Variants in FBXW7 observed in about 807,000 individuals in gnomAD.
FBXW7 encodes the protein F-box and WD repeat domain containing 7.
Under a neutral mutation model 86.3 loss-of-function variants are expected in FBXW7, and 11 were observed. The ratio of observed to expected loss-of-function variants is 0.13; its 90% CI spans 0.08 to 0.21. The LOEUF is 0.21. FBXW7 is among the 10% of genes least tolerant of loss of function. The probability of loss-of-function intolerance (pLI) is 1.00; values close to 1 mark genes in which losing one functional copy is unlikely to be tolerated. For missense variants in FBXW7, 488 were observed against 847.4 expected, an observed-to-expected ratio of 0.58 and a Z score of 5.27; for synonymous variants, 313 against 297.9, an observed-to-expected ratio of 1.05 and a Z score of -0.52.
At chr4:152,348,147 G>GT (rs901222429) in intron 5 of FBXW7, among the ~76,000 whole-genome samples, 4 of 151,834 alleles carry the variant, frequency 2.6e-5, no homozygotes, top group African/African-American at 9.7e-5. Context: ...TCCTCCAGCT[G>GT]TTTTTTTCTA....
chr4:152,409,815 T>TATACATAAATGCA (rs1737766038), intron 4 of FBXW7, among the ~76,000 whole-genome samples: 1 of 152,142 alleles, frequency 6.6e-6, no homozygotes, highest in Non-Finnish European at 1.5e-5. Context: ...CACACATGTA[T>TATACATAAATGCA]TCCTTCTATG....
intron 7 of FBXW7, 73 bp downstream of exon 7, chr4:152,337,729 T>C (rs1730291015): frequency 1.4e-6 from 2 of 1,427,382 alleles, no homozygotes; most frequent in Non-Finnish European, 1.9e-6. Context: ...AGCATGACAA[T>C]GTTTAAAGGT....
intron 6 of FBXW7, among the ~76,000 whole-genome samples, chr4:152,345,748 A>G (rs1206941851): frequency 6.6e-6 from 1 of 152,176 alleles, no homozygotes; most frequent in Non-Finnish European, 1.5e-5. Context: ...TACTGCTCCA[A>G]GTTAGTTTTC....
At chr4:152,491,466 G>A (rs1043943660) in intron 2 of FBXW7, among the ~76,000 whole-genome samples, 1 of 151,998 alleles carries the variant, frequency 6.6e-6, no homozygotes, top group African/African-American at 2.4e-5. Flanking sequence ...GACTTAACAG[G>A]GGCACTTAAA....
chr4:152,469,690 T>C (rs1560937246), intron 2 of FBXW7, among the ~76,000 whole-genome samples: 1 of 152,118 alleles, frequency 6.6e-6, no homozygotes, highest in Non-Finnish European at 1.5e-5. Context: ...TCCTGCTCAC[T>C]AAAACCATTT....
At chr4:152,460,738 T>G (rs1045413194) in intron 2 of FBXW7, among the ~76,000 whole-genome samples, 13 of 152,150 alleles carry the variant, frequency 8.5e-5, no homozygotes, top group African/African-American at 1.9e-4. Context: ...ATCTGTTTTT[T>G]TGTGTGTGTT....
At chr4:152,530,241 C>G (rs1388722693) in intron 2 of FBXW7, 2 of 151,788 alleles carry the variant, frequency 1.3e-5, no homozygotes, top group Non-Finnish European at 2.9e-5. Context: ...ACAAAAATTG[C>G]GATGTGTAAT....
At chr4:152,469,979 T>C (rs1032513145) in intron 2 of FBXW7, among the ~76,000 whole-genome samples, 2 of 152,040 alleles carry the variant, frequency 1.3e-5, no homozygotes, top group Non-Finnish European at 2.9e-5. Context: ...CTGCTGGTGG[T>C]TGAGATTCCC....
chr4:152,344,970 T>A (rs1269935702), intron 6 of FBXW7, among the ~76,000 whole-genome samples: 1 of 152,190 alleles, frequency 6.6e-6, no homozygotes, highest in African/African-American at 2.4e-5. Context: ...CATGTTGGTA[T>A]TTTCTTATAA....
intron 4 of FBXW7, among the ~76,000 whole-genome samples, chr4:152,399,014 G>A (rs1736682596): frequency 6.6e-6 from 1 of 152,056 alleles, no homozygotes; most frequent in Non-Finnish European, 1.5e-5. Context: ...TTGGGGTTTT[G>A]TCAGGACAGA....
At chr4:152,364,618 G>T (rs952947218) in intron 4 of FBXW7, among the ~76,000 whole-genome samples, 3 of 152,068 alleles carry the variant, frequency 2.0e-5, no homozygotes, top group African/African-American at 7.2e-5. Context: ...AAATACACAG[G>T]ATTTTCCATC....
At chr4:152,438,969 T>C (rs1418576300) in intron 2 of FBXW7, among the ~76,000 whole-genome samples, 1 of 152,218 alleles carries the variant, frequency 6.6e-6, no homozygotes, top group Non-Finnish European at 1.5e-5. Flanking sequence ...ATTTGGGCGA[T>C]GAGGTCAGTA....
chr4:152,477,522 T>C (rs943340025), intron 2 of FBXW7, among the ~76,000 whole-genome samples: 1 of 152,136 alleles, frequency 6.6e-6, no homozygotes, highest in Non-Finnish European at 1.5e-5. Flanking sequence ...AGAGGAGACA[T>C]TAAATTTGGG....
At chr4:152,523,007 A>G (rs1211358664) in intron 2 of FBXW7, among the ~76,000 whole-genome samples, 1 of 152,240 alleles carries the variant, frequency 6.6e-6, no homozygotes, top group Non-Finnish European at 1.5e-5. Flanking sequence ...ATCTAGCACT[A>G]AAAACTAAAA....
chr4:152,351,553 G>A (rs537050358), intron 4 of FBXW7, among the ~76,000 whole-genome samples: 18 of 152,154 alleles, frequency 1.2e-4, no homozygotes, highest in Non-Finnish European at 1.3e-4. Flanking sequence ...AAAAGCTGAA[G>A]TATATAGGTA....
chr4:152,464,425 A>G (rs1743228563), intron 2 of FBXW7, among the ~76,000 whole-genome samples: 1 of 152,228 alleles, frequency 6.6e-6, no homozygotes, highest in Non-Finnish European at 1.5e-5. Context: ...AAAAGGGTAT[A>G]AAATATGAAA....
chr4:152,535,688 TCGCCCCA>T lies in FBXW7; in HGVS notation c.-781_-775del, dbSNP rs1467362653. On this transcript the variant is annotated 5_prime_UTR_variant, in exon 1 of 14. Transcript: ENST00000281708. ...CCCCCCTCCCTACACCTTGGGGGTC[TCGCCCCA>T]CGCCCCACGGGACGAGGCAGAAGCT... The T allele has an allele frequency of 2.3e-5, 9 of 395,856 alleles. No homozygotes were observed. The highest frequency in any genetic ancestry group is 4.1e-5 in the African/African-American group (2 of 48,446). The allele number at this position is 395,856 out of a possible 1,614,324, so 24.5% of individuals were successfully genotyped here.
At chr4:152,521,803 G>C (rs1040540047) in intron 2 of FBXW7, among the ~76,000 whole-genome samples, 1 of 149,262 alleles carries the variant, frequency 6.7e-6, no homozygotes. Flanking sequence ...GAATGGTAAG[G>C]GTCCAATTTT....
chr4:152,331,516 C>G (rs1364122846), intron 8 of FBXW7, among the ~76,000 whole-genome samples: 1 of 151,914 alleles, frequency 6.6e-6, no homozygotes, highest in African/African-American at 2.4e-5. Flanking sequence ...CTAGAGTAGT[C>G]AAACTCATAG....
Sources: gnomAD v4.1 joint callset for allele counts (sites outside exome capture counted in the v4.1 genomes callset) on GRCh38, gnomAD v4.1.1 for gene constraint, MANE v1.5 for transcripts, NCBI Gene and HGNC (gene_info 2026-07-23, HGNC 2026-07-21) for gene names.